The following PXT1 variants were observed in gnomAD, a reference collection of about 807,000 sequenced individuals.
PXT1 encodes the protein peroxisomal testis-specific protein 1.
PXT1 carries 11 observed loss-of-function variants against 11.0 expected under a neutral mutation model. The observed-to-expected ratio is 1.00, with a 90% CI of 0.63 to 1.66. PXT1 has a LOEUF of 1.66. PXT1 is among the 40% of genes most tolerant of loss of function. The pLI, the probability that PXT1 is intolerant of heterozygous loss-of-function variation, is 0.00. For synonymous variants in PXT1, 43 were observed against 51.4 expected (o/e 0.84, Z 0.70); for missense variants, 141 against 155.5 (o/e 0.91, Z 0.49).
intron 2 of PXT1, among the ~76,000 whole-genome samples, chr6:36,437,816 A>ACTGCTTTT (rs1383795819): frequency 1.0e-5 from 1 of 99,750 alleles, no homozygotes; most frequent in East Asian, 3.1e-4. Flanking sequence ...GTGCCCAGCC[A>ACTGCTTTT]CTGCTTTTTT....
intron 3 of PXT1, among the ~76,000 whole-genome samples, chr6:36,416,174 C>CAAAAA (rs777709896): frequency 7.2e-6 from 1 of 138,326 alleles, no homozygotes; most frequent in Non-Finnish European, 1.6e-5. Flanking sequence ...CTGTCTCTAC[C>CAAAAA]AAAAAGAAAA....
intron 4 of PXT1, 54 bp downstream of exon 4, chr6:36,400,400 G>C: frequency 1.2e-6 from 2 of 1,600,746 alleles, no homozygotes; most frequent in Non-Finnish European, 1.7e-6. Flanking sequence ...CCGTAGTTTT[G>C]TTTGCTCTTT....
rs576404317 is a variant in PXT1 at position 36,391,518 on chromosome 6, G to C, written c.*252C>G. Reference sequence around the variant, plus strand: ...GCGCTGGTGTTTTCTGGGCAGCAAGGCTTCCTGGGGTCCTAATTACTCCTT... The same window carrying C: ...GCGCTGGTGTTTTCTGGGCAGCAAGCCTTCCTGGGGTCCTAATTACTCCTT... On this transcript the variant is annotated 3_prime_UTR_variant, in exon 5 of 5. Transcript: ENST00000454782. The C allele has an allele frequency of 6.4e-6, 3 of 469,484 alleles. No individual in the cohort carries two copies. The highest frequency in any genetic ancestry group is 5.0e-5 in the South Asian group (2 of 40,306). The allele number at this position is 469,484 out of a possible 1,614,324, so 29.1% of individuals were successfully genotyped here. A position where few individuals can be genotyped will look rare whatever the true frequency, so the allele number is the denominator to read the frequency against.
chr6:36,412,989 G>A (rs1247038626), intron 3 of PXT1, among the ~76,000 whole-genome samples: 2 of 152,036 alleles, frequency 1.3e-5, no homozygotes, highest in Middle Eastern at 3.4e-3. Context: ...TGAGAGAAAA[G>A]ATAGGTAATA....
At chr6:36,410,109 G>C (rs1774347853) in intron 3 of PXT1, among the ~76,000 whole-genome samples, 1 of 150,834 alleles carries the variant, frequency 6.6e-6, no homozygotes, top group African/African-American at 2.4e-5. Context: ...GCTCACCTGA[G>C]GTCGGGAGTT....
At position 36,406,807 on chromosome 6, in the gene PXT1, T is replaced by C. The variant is rs536834931; in HGVS notation, c.170-6223A>G. ...GCCTGGGCGACAGAGTGAGACTCCA[T>C]TTCAAAAAAAAAAAAAAAAGACTCA... On this transcript the variant is annotated intron_variant, in intron 3 of 4. Coordinates refer to ENST00000454782, the MANE Select transcript of PXT1 (RefSeq NM_152990.4). Among the ~76,000 whole-genome samples, 487 of 67,986 alleles carry C rather than the reference T, an allele frequency of 7.2e-3. 1 individual carries two copies. The highest frequency in any genetic ancestry group is 0.022 in the African/African-American group (462 of 21,464). The allele number at this position is 67,986 out of a possible 152,430, so 44.6% of individuals were successfully genotyped here.
At chr6:36,441,401 C>T (rs1304022182) in intron 1 of PXT1, among the ~76,000 whole-genome samples, 1 of 152,176 alleles carries the variant, frequency 6.6e-6, no homozygotes, top group African/African-American at 2.4e-5. Context: ...TCCAGGCATA[C>T]AGGAATTTAT....
intron 3 of PXT1, among the ~76,000 whole-genome samples, chr6:36,403,501 C>T (rs2049927963): frequency 6.6e-6 from 1 of 151,942 alleles, no homozygotes. Context: ...GTACAGAGAA[C>T]GTGATGGAGA....
intron 2 of PXT1, 79 bp from the exon 3 acceptor site, chr6:36,426,170 T>C: frequency 1.1e-6 from 1 of 894,162 alleles, no homozygotes; most frequent in Non-Finnish European, 1.6e-6. Flanking sequence ...ATTAATGTTT[T>C]AACAATATCA....
chr6:36,412,081 G>A (rs1399225209), intron 3 of PXT1, among the ~76,000 whole-genome samples: 1 of 152,202 alleles, frequency 6.6e-6, no homozygotes, highest in South Asian at 2.1e-4. Context: ...GCCAGGCGCG[G>A]TGGCTCATGC....
At chr6:36,400,400 G>T in intron 4 of PXT1, 54 bp downstream of exon 4, 1 of 1,600,746 alleles carries the variant, frequency 6.2e-7, no homozygotes, top group Non-Finnish European at 8.5e-7. Flanking sequence ...CCGTAGTTTT[G>T]TTTGCTCTTT....
chr6:36,423,295 G>A (rs1774548380), intron 3 of PXT1, among the ~76,000 whole-genome samples: 4 of 152,236 alleles, frequency 2.6e-5, no homozygotes, highest in Admixed American at 2.6e-4. Context: ...CAGGCTCCCC[G>A]CCAGAGAGCG....
At chr6:36,397,831 C>A (rs1306628200) in intron 4 of PXT1, among the ~76,000 whole-genome samples, 1 of 152,000 alleles carries the variant, frequency 6.6e-6, no homozygotes, top group Non-Finnish European at 1.5e-5. Context: ...GAGGGCCTGT[C>A]TCTACAAAAA....
chr6:36,423,610 C>T (rs893382477), intron 3 of PXT1, among the ~76,000 whole-genome samples: 4 of 152,236 alleles, frequency 2.6e-5, no homozygotes, highest in African/African-American at 9.6e-5. Context: ...GTTACTCTAT[C>T]TGGCGTTCTC....
At chr6:36,406,466 G>T (rs1468451745) in intron 3 of PXT1, among the ~76,000 whole-genome samples, 1 of 152,124 alleles carries the variant, frequency 6.6e-6, no homozygotes, top group Non-Finnish European at 1.5e-5. Context: ...ATATTGAAAG[G>T]ACAGGGGATG....
chr6:36,408,534 C>T (rs1582254936), intron 3 of PXT1, among the ~76,000 whole-genome samples: 3 of 151,464 alleles, frequency 2.0e-5, no homozygotes, highest in Admixed American at 2.0e-4. Context: ...ACTGAGATTA[C>T]AGGAGTGAGC....
intron 3 of PXT1, among the ~76,000 whole-genome samples, chr6:36,414,294 G>A (rs1774416900): frequency 6.6e-6 from 1 of 152,210 alleles, no homozygotes; most frequent in African/African-American, 2.4e-5. Context: ...GAAGTTCCCA[G>A]TGGAAAGGGA....
Position 36,433,686 on chromosome 6 carries a change from G to A in PXT1, c.-10+5081C>T, listed in dbSNP as rs193294373. ...TACAAAAAAAAAAAATTAGCCAGGC[G>A]TGGTGGCAGGCACCTGTAGTCTCAG... On this transcript the variant is annotated intron_variant, in intron 2 of 4. Coordinates refer to ENST00000454782, the MANE Select transcript of PXT1 (RefSeq NM_152990.4). Among the ~76,000 whole-genome samples the A allele has an allele frequency of 4.6e-3, 698 of 151,786 alleles. 5 individuals are homozygous for A. The highest frequency in any genetic ancestry group is 0.015 in the African/African-American group (609 of 41,436).
At chr6:36,409,549 G>A (rs1774336378) in intron 3 of PXT1, among the ~76,000 whole-genome samples, 1 of 152,188 alleles carries the variant, frequency 6.6e-6, no homozygotes, top group Admixed American at 6.5e-5. Context: ...ATTCAGACCA[G>A]GTAAGGTGGC....
Sources: gnomAD v4.1 joint callset for allele counts (sites outside exome capture counted in the v4.1 genomes callset) on GRCh38, gnomAD v4.1.1 for gene constraint, MANE v1.5 for transcripts, NCBI Gene and HGNC (gene_info 2026-07-23, HGNC 2026-07-21) for gene names.